PIEZO1: variants seen among roughly 807,000 people sequenced by gnomAD.
PIEZO1 encodes the protein piezo type mechanosensitive ion channel component 1 (Er blood group).
A neutral mutation model predicts 297.2 loss-of-function variants in PIEZO1; 296 were observed. The ratio of observed to expected loss-of-function variants is 1.00; its 90% CI spans 0.91 to 1.10. The LOEUF (loss-of-function observed/expected upper bound fraction) is 1.10, where lower values mean the gene tolerates loss of function less well. Among genes scored for constraint, PIEZO1 ranks in the 50% least tolerant of loss-of-function variants. The pLI is 0.00. For missense variants in PIEZO1, 5,018 were observed against 3,455.5 expected (o/e 1.45, Z -11.34); for synonymous variants, 2,427 against 1,507.5 (o/e 1.61, Z -14.13).
chr16:88,743,627 G>T, intron 2 of PIEZO1: 1 of 456,624 alleles, frequency 2.2e-6, no homozygotes, highest in Non-Finnish European at 4.4e-6. Flanking sequence ...TGACAGACTC[G>T]GGATTGGCCT....
At chr16:88,781,319 C>T (rs1187990026) in intron 1 of PIEZO1, among the ~76,000 whole-genome samples, 1 of 152,252 alleles carries the variant, frequency 6.6e-6, no homozygotes, top group Non-Finnish European at 1.5e-5. Flanking sequence ...GGGACCCTGG[C>T]AGCTGGGGCT....
Position 88,742,429 on chromosome 16 carries a change from C to T in PIEZO1, c.161-7G>A, listed in dbSNP as rs1196381223. 2.6e-6 allele frequency: 4 copies of T among 1,534,280 alleles called. No individual in the cohort carries two copies. The East Asian group carries it at 9.8e-5, about 38-fold the overall frequency. ...AGGAGGCGGCCTGTGTGACCTGCGG[C>T]AGAGCGAGTGGGTGAGGCTGGTCCC... On this transcript the variant is annotated splice_polypyrimidine_tract_variant and splice_region_variant and intron_variant, in intron 2 of 50. Coordinates refer to ENST00000301015, the MANE Select transcript of PIEZO1 (RefSeq NM_001142864.4).
At chr16:88,731,305 A>G in intron 22 of PIEZO1, 1 of 231,676 alleles carries the variant, frequency 4.3e-6, no homozygotes, top group East Asian at 1.1e-4. Context: ...AGACGGGACC[A>G]CGGGTGTGGG....
At chr16:88,735,538 T>C (rs1171113245) in intron 12 of PIEZO1, among the ~76,000 whole-genome samples, 1 of 152,290 alleles carries the variant, frequency 6.6e-6, no homozygotes, top group African/African-American at 2.4e-5. Context: ...TGCACGCACC[T>C]GCACACATGT....
At position 88,756,413 on chromosome 16, in the gene PIEZO1, C is replaced by T. The variant is rs538244793; in HGVS notation, c.65-6934G>A. Among the ~76,000 whole-genome samples, 10 of 152,304 alleles carry T rather than the reference C, an allele frequency of 6.6e-5. 1 individual carries two copies. The South Asian group carries it at 1.9e-3, about 28-fold the overall frequency. On this transcript the variant is annotated intron_variant, in intron 1 of 50. Coordinates refer to ENST00000301015, the MANE Select transcript of PIEZO1 (RefSeq NM_001142864.4). ...GTGGGCTAATGGACCGGAAGGATCT[C>T]GTGTGACATGTCCTCAGGAACCACA...
chr16:88,759,541 G>A (rs1211395600), intron 1 of PIEZO1, among the ~76,000 whole-genome samples: 1 of 152,116 alleles, frequency 6.6e-6, no homozygotes, highest in Non-Finnish European at 1.5e-5. Flanking sequence ...GCGGGGCCGG[G>A]CAGAGGAAGA....
intron 1 of PIEZO1, among the ~76,000 whole-genome samples, chr16:88,759,165 C>G (rs1398503103): frequency 1.3e-5 from 2 of 152,258 alleles, no homozygotes; most frequent in Admixed American, 6.5e-5. Context: ...GTCCAACCTT[C>G]CTCTCATCAA....
chr16:88,727,219 G>GCCACACGGGGAC (rs1302997202), intron 23 of PIEZO1, 27 bp from the exon 24 acceptor site: 1 of 1,511,296 alleles, frequency 6.6e-7, no homozygotes, highest in Non-Finnish European at 8.9e-7. Context: ...CCGCCGCTGT[G>GCCACACGGGGAC]CCACACGGGG....
chr16:88,779,885 G>A (rs1031690583), intron 1 of PIEZO1, among the ~76,000 whole-genome samples: 7 of 152,196 alleles, frequency 4.6e-5, no homozygotes, highest in African/African-American at 1.7e-4. Context: ...ACGATTGTGC[G>A]AGGAATTCTG....
In PIEZO1 at chr16:88,736,685, T is replaced by G. The variant is rs1905240556; in HGVS notation, c.1250A>C (p.His417Pro). The change falls in exon 11 of 51, where the codon CAC becomes CCC. Residue 417 changes from histidine to proline, a missense_variant. Physicochemically the swap from His to Pro is moderately conservative, Grantham distance 77 (BLOSUM62 -2). Coordinates refer to ENST00000301015, the MANE Select transcript of PIEZO1 (RefSeq NM_001142864.4). The stretch of plus-strand genomic sequence containing the variant: ...CACATAGCTCTGGTCCATGATGAGG[T>G]GGCCCAGGCTGTGGAGCGGAGACGC... ...REASPLHSLG[H>P]LIMDQSYVCA... is the part of the protein sequence containing the mutation. The G allele has an allele frequency of 6.5e-7, 1 of 1,532,802 alleles. No homozygotes were observed. The highest frequency in any genetic ancestry group is 8.7e-7 in the Non-Finnish European group (1 of 1,145,684). The allele number at this position is 1,532,802 out of a possible 1,614,324, so 95.0% of individuals were successfully genotyped here. A position where few individuals can be genotyped will look rare whatever the true frequency, so the allele number is the denominator to read the frequency against.
Position 88,736,397 on chromosome 16 carries a change from G to A in PIEZO1, c.1308C>T (p.Ile436=). The change falls in exon 12 of 51, where the codon ATC becomes ATT. Residue 436 remains isoleucine (I), a synonymous_variant. Transcript: ENST00000301015. ...CALIAMMVWS[I]TYHSWLTFVL... ...CGAAGGTCAGCCAGCTGTGGTAGGT[G>A]ATGCTCCATACCTGCGCGGCAGAGA... 1 of 1,548,872 alleles carries A rather than the reference G, an allele frequency of 6.5e-7. No homozygotes were observed. The highest frequency in any genetic ancestry group is 8.7e-7 in the Non-Finnish European group (1 of 1,146,512).
At chr16:88,747,231 G>GAAAAA (rs59177269) in intron 2 of PIEZO1, among the ~76,000 whole-genome samples, 3 of 121,602 alleles carry the variant, frequency 2.5e-5, no homozygotes, top group Non-Finnish European at 5.2e-5. Flanking sequence ...ACCCCCACTC[G>GAAAAA]AAAAAAAAAA....
chr16:88,722,266 G>C lies in PIEZO1; in HGVS notation c.4907C>G (p.Ser1636Cys), dbSNP rs768123579. ...CGTCCGCATCAGTCCCTGGTACAGA[G>C]AGGCACCAGCCTCACGCTCCCCGGG... The part of the protein sequence containing the change: ...TDPGEREAGA[S>C]LYQGLMRTAS... The change falls in exon 36 of 51, where the codon TCT becomes TGT. Residue 1636 changes from serine (S) to cysteine (C), a missense_variant. Coordinates refer to ENST00000301015, the MANE Select transcript of PIEZO1 (RefSeq NM_001142864.4). 1.3e-6 allele frequency: 2 copies of C among 1,548,464 alleles called. No individual in the cohort carries two copies. The highest frequency in any genetic ancestry group is 1.4e-5 in the African/African-American group (1 of 73,160).
intron 1 of PIEZO1, among the ~76,000 whole-genome samples, chr16:88,762,565 C>A (rs1906981923): frequency 6.6e-6 from 1 of 152,218 alleles, no homozygotes; most frequent in Non-Finnish European, 1.5e-5. Flanking sequence ...AAGGGTAGAC[C>A]CCCAGTGGTG....
In PIEZO1 at chr16:88,723,221, C is replaced by T. The variant is rs1197073269; in HGVS notation, c.4438+5G>A. ...CCCTCAGAGTCCCCACGCCCCCCAG[C>T]TCACCTGTGGGTAGCTGTCCTGCCT... On this transcript the variant is annotated splice_donor_5th_base_variant and intron_variant, in intron 32 of 50. Transcript: ENST00000301015. The T allele has an allele frequency of 6.5e-7, 1 of 1,548,066 alleles. No homozygotes were observed. The highest frequency in any genetic ancestry group is 2.0e-5 in the Admixed American group (1 of 50,988).
chr16:88,716,635 T>TG lies in PIEZO1; in HGVS notation c.6849dup (p.Ser2284GlnfsTer71). Reference sequence around the variant, plus strand: ...AGCTCCCGCTTCATCTGGGCACGGCTGGGGGGACTGATGCGCCACAGCGCC... The same window carrying TG: ...AGCTCCCGCTTCATCTGGGCACGGCTGGGGGGGACTGATGCGCCACAGCGCC... On this transcript the variant is annotated frameshift_variant, in exon 47 of 51. Transcript: ENST00000301015. LOFTEE classifies it high-confidence loss of function. The TG allele has an allele frequency of 6.5e-7, 1 of 1,549,836 alleles. No homozygotes were observed. The highest frequency in any genetic ancestry group is 8.7e-7 in the Non-Finnish European group (1 of 1,146,908).
intron 44 of PIEZO1, chr16:88,717,957 C>T: frequency 5.7e-6 from 2 of 353,550 alleles, no homozygotes; most frequent in Non-Finnish European, 1.1e-5. Context: ...GTGGTGCACA[C>T]CTGTAGTCCC....
At chr16:88,757,681 C>G (rs1199042443) in intron 1 of PIEZO1, among the ~76,000 whole-genome samples, 1 of 152,162 alleles carries the variant, frequency 6.6e-6, no homozygotes, top group Non-Finnish European at 1.5e-5. Flanking sequence ...CTGGGGGTTC[C>G]TGGCCCTGAA....
At position 88,716,824 on chromosome 16, in the gene PIEZO1, C is replaced by G; in HGVS notation, c.6735G>C (p.Arg2245=). The G allele has an allele frequency of 6.5e-7, 1 of 1,550,132 alleles. No individual in the cohort carries two copies. The highest frequency in any genetic ancestry group is 8.7e-7 in the Non-Finnish European group (1 of 1,146,960). ...CACTTACCGGCTGGGGGTCAAACTG[C>G]CGGGACAGCTCCTCATAGGCCTGGG... ...FTAQAYEELS[R]QFDPQPLAMQ... The change falls in exon 46 of 51, where the codon CGG becomes CGC. Residue 2245 remains arginine (R), a synonymous_variant. Coordinates refer to ENST00000301015, the MANE Select transcript of PIEZO1 (RefSeq NM_001142864.4).
Sources: gnomAD v4.1 joint callset for allele counts (sites outside exome capture counted in the v4.1 genomes callset) on GRCh38, gnomAD v4.1.1 for gene constraint, MANE v1.5 for transcripts, NCBI Gene and HGNC (gene_info 2026-07-23, HGNC 2026-07-21) for gene names.